AKAP13: variants seen among roughly 807,000 people sequenced by gnomAD.
AKAP13 encodes the protein A-kinase anchor protein 13.
A neutral mutation model predicts 264.5 loss-of-function variants in AKAP13; 80 were observed. The ratio of observed to expected loss-of-function variants is 0.30; its 90% CI spans 0.25 to 0.36. AKAP13 has a LOEUF of 0.36. Ranked by LOEUF, AKAP13 falls within the 10% of genes least tolerant of loss-of-function variation. AKAP13 has a pLI of 1.00. For synonymous variants in AKAP13, 1,380 were observed against 1,250.2 expected (o/e 1.10, Z -2.19); for missense variants, 3,712 against 3,435.2 (o/e 1.08, Z -2.01).
chr15:85,472,938 CAT>C (rs2075012065), intron 1 of AKAP13, among the ~76,000 whole-genome samples: 1 of 152,138 alleles, frequency 6.6e-6, no homozygotes, highest in African/African-American at 2.4e-5. Flanking sequence ...ATATATGTGA[CAT>C]ATACACAAGA....
chr15:85,589,426 T>G (rs1055532513), intron 8 of AKAP13, among the ~76,000 whole-genome samples: 1 of 152,066 alleles, frequency 6.6e-6, no homozygotes, highest in Admixed American at 6.6e-5. Flanking sequence ...TCGTGAAATA[T>G]TATTGTTTTG....
intron 1 of AKAP13, among the ~76,000 whole-genome samples, chr15:85,412,543 A>G (rs898488823): frequency 1.3e-5 from 2 of 152,220 alleles, no homozygotes; most frequent in African/African-American, 4.8e-5. Flanking sequence ...GAGTTCATGG[A>G]ATTTTAAAAT....
chr15:85,493,797 A>G (rs2075799359), intron 2 of AKAP13, among the ~76,000 whole-genome samples: 1 of 152,192 alleles, frequency 6.6e-6, no homozygotes, highest in African/African-American at 2.4e-5. Context: ...TAGACGGGGT[A>G]AGGGACGAGG....
intron 4 of AKAP13, among the ~76,000 whole-genome samples, chr15:85,541,519 T>G (rs2077580479): frequency 6.6e-6 from 1 of 152,226 alleles, no homozygotes; most frequent in African/African-American, 2.4e-5. Context: ...GCTTGTATGA[T>G]TGCTTGTTTT....
intron 8 of AKAP13, among the ~76,000 whole-genome samples, chr15:85,601,951 T>A (rs958415545): frequency 7.9e-5 from 12 of 152,152 alleles, no homozygotes; most frequent in African/African-American, 2.9e-4. Flanking sequence ...AATTTCTGAC[T>A]TAATATAAAA....
At chr15:85,729,036 C>T (rs780635656) in intron 29 of AKAP13, among the ~76,000 whole-genome samples, 1 of 152,092 alleles carries the variant, frequency 6.6e-6, no homozygotes, top group South Asian at 2.1e-4. Flanking sequence ...CTCGGTGGCT[C>T]ATGCCTGTAA....
In AKAP13 at chr15:85,580,405, A is replaced by G. The variant is rs746341285; in HGVS notation, c.2337A>G (p.Val779=). The change falls in exon 7 of 37, where the codon GTA becomes GTG. Residue 779 remains valine (V), a synonymous_variant. Coordinates refer to ENST00000394518, the MANE Select transcript of AKAP13 (RefSeq NM_007200.5). ...MEKELVPDQA[V]ISDSTFSLAN... ...AAGAACTGGTGCCAGACCAGGCAGT[A>G]ATATCAGACAGTACTTTCTCTCTGG... 2 of 1,614,270 alleles carry G rather than the reference A, an allele frequency of 1.2e-6. No homozygotes were observed. The highest frequency in any genetic ancestry group is 2.2e-5 in the South Asian group (2 of 91,090).
chr15:85,655,575 C>G lies in AKAP13; in HGVS notation c.4533C>G (p.Phe1511Leu). 1.2e-6 allele frequency: 2 copies of G among 1,614,202 alleles called. No individual in the cohort carries two copies. Among genetic ancestry groups the G allele is most frequent in the Non-Finnish European group, 1.7e-6 (2 of 1,180,032 alleles). Residue 1511 changes from phenylalanine (F) to leucine (L), a missense_variant, in exon 11 of 37, where the codon TTC (phenylalanine) becomes TTG (leucine). Physicochemically the swap from Phe to Leu is conservative, Grantham distance 22. Around this residue, in one of 3 missense-constraint regions of AKAP13, gnomAD observed 2,759 missense variants for 2,411.7 expected, o/e 1.14. Transcript: ENST00000394518. ...GAGATCGGCAAAGCCTTGATGGATTCTACAGCCATGGGATGGGAGCTGAGG... is the reference window on the plus strand; with the variant it reads ...GAGATCGGCAAAGCCTTGATGGATTGTACAGCCATGGGATGGGAGCTGAGG... ...RSRDRQSLDGFYSHGMGAEGR... is the reference protein window; with the variant it reads ...RSRDRQSLDGLYSHGMGAEGR...
At chr15:85,633,556 T>C (rs1290715681) in intron 8 of AKAP13, among the ~76,000 whole-genome samples, 1 of 144,294 alleles carries the variant, frequency 6.9e-6, no homozygotes, top group Non-Finnish European at 1.5e-5. Context: ...TTTTTTTTTT[T>C]TTTTTGAGAC....
At chr15:85,717,899 G>T (rs1237794362) in intron 21 of AKAP13, 108 bp from the exon 22 acceptor site, 1 of 1,069,722 alleles carries the variant, frequency 9.3e-7, no homozygotes, top group African/African-American at 1.6e-5. Context: ...AATATCCCCT[G>T]TATTCATGTG....
intron 21 of AKAP13, among the ~76,000 whole-genome samples, chr15:85,717,702 T>C (rs900559347): frequency 6.6e-6 from 1 of 152,266 alleles, no homozygotes; most frequent in Non-Finnish European, 1.5e-5. Flanking sequence ...ATTGTAAGCC[T>C]GCTCTCTTAA....
chr15:85,563,201 G>A (rs2078467557), intron 5 of AKAP13, among the ~76,000 whole-genome samples: 1 of 151,970 alleles, frequency 6.6e-6, no homozygotes, highest in African/African-American at 2.4e-5. Flanking sequence ...TAGTGAATTG[G>A]TATTTTTTTC....
At chr15:85,515,712 TTGTC>T (rs1296785707) in intron 2 of AKAP13, among the ~76,000 whole-genome samples, 5 of 138,784 alleles carry the variant, frequency 3.6e-5, no homozygotes, top group Non-Finnish European at 7.7e-5. Context: ...CAATTCAAGT[TTGTC>T]TGATGTTTTC....
At chr15:85,498,559 G>T (rs2075954465) in intron 2 of AKAP13, among the ~76,000 whole-genome samples, 1 of 147,628 alleles carries the variant, frequency 6.8e-6, no homozygotes, top group African/African-American at 2.5e-5. Context: ...ACGTGAGGAT[G>T]GTTTCACTAT....
rs16978091 is a variant in AKAP13 at position 85,431,786 on chromosome 15, G to A, written c.-12+50988G>A. On this transcript the variant is annotated intron_variant, in intron 1 of 36. Coordinates refer to ENST00000394518, the MANE Select transcript of AKAP13 (RefSeq NM_007200.5). ...CAATATTCTTGCTTGTAGGCAATAT[G>A]AAACTCAATTAGATGGTAAAAAAAT... 1.4e-4 allele frequency among the ~76,000 whole-genome samples: 22 copies of A among 152,302 alleles called. No homozygotes were observed. In the East Asian group the frequency reaches 3.7e-3, roughly 25 times the overall value.
chr15:85,592,012 C>T (rs569973664), intron 8 of AKAP13, among the ~76,000 whole-genome samples: 2 of 147,210 alleles, frequency 1.4e-5, no homozygotes, highest in African/African-American at 5.0e-5. Context: ...ATACCTTCCT[C>T]AATCAAGAAA....
intron 14 of AKAP13, among the ~76,000 whole-genome samples, chr15:85,672,914 G>C (rs1440794285): frequency 1.3e-5 from 2 of 152,210 alleles, no homozygotes; most frequent in Non-Finnish European, 2.9e-5. Flanking sequence ...CTAGGACATT[G>C]TCCCTTGTTG....
chr15:85,542,027 G>T (rs2077595020), intron 4 of AKAP13, among the ~76,000 whole-genome samples: 1 of 152,196 alleles, frequency 6.6e-6, no homozygotes, highest in South Asian at 2.1e-4. Flanking sequence ...CTGCTTCAAG[G>T]TTGGAAATAA....
At chr15:85,741,727 A>AC (rs754724302) in intron 35 of AKAP13, among the ~76,000 whole-genome samples, 10 of 83,362 alleles carry the variant, frequency 1.2e-4, no homozygotes, top group Middle Eastern at 0.01. Flanking sequence ...CAAACAAACA[A>AC]ACAAAAAAAA....
Sources: gnomAD v4.1 joint callset for allele counts (sites outside exome capture counted in the v4.1 genomes callset) on GRCh38, gnomAD v4.1.1 for gene constraint, gnomAD v4.1.1 regional missense constraint, MANE v1.5 for transcripts, NCBI Gene and HGNC (gene_info 2026-07-23, HGNC 2026-07-21) for gene names.